Variants in MS4A6A observed in about 807,000 individuals in gnomAD.
MS4A6A encodes the protein membrane spanning 4-domains A6A.
MS4A6A carries 19 observed loss-of-function variants against 20.6 expected under a neutral mutation model. The ratio of observed to expected loss-of-function variants is 0.92; its 90% CI spans 0.64 to 1.36. The LOEUF (loss-of-function observed/expected upper bound fraction) is 1.36, where lower values mean the gene tolerates loss of function less well. MS4A6A is among the 40% of genes most tolerant of loss of function. MS4A6A has a pLI of 0.00. For synonymous variants in MS4A6A, 108 were observed against 105.0 expected (o/e 1.03, Z -0.17); for missense variants, 272 against 261.1 (o/e 1.04, Z -0.29).
chr11:60,178,424 C>A (rs1419757080), intron 3 of MS4A6A, 108 bp from the exon 4 acceptor site: 2 of 851,718 alleles, frequency 2.3e-6, no homozygotes, highest in Non-Finnish European at 3.8e-6. Flanking sequence ...CCTGAGAAAC[C>A]AGTGATCAAT....
At chr11:60,181,895 T>TCTTGGTTTTCA (rs1369585176) in intron 1 of MS4A6A, among the ~76,000 whole-genome samples, 154 bp from the exon 2 acceptor site, 2 of 152,160 alleles carry the variant, frequency 1.3e-5, no homozygotes, top group East Asian at 3.9e-4. Context: ...AACCACACAA[T>TCTTGGTTTTCA]CTTGGTTTCA....
At chr11:60,180,055 C>A in intron 2 of MS4A6A, 90 bp from the exon 3 acceptor site, 1 of 1,287,438 alleles carries the variant, frequency 7.8e-7, no homozygotes, top group Admixed American at 2.0e-5. Context: ...AATGCATTAT[C>A]GCCTTCTGCA....
chr11:60,177,302 C>T (rs1247735892), intron 4 of MS4A6A: 2 of 151,938 alleles, frequency 1.3e-5, no homozygotes, highest in Non-Finnish European at 2.9e-5. Flanking sequence ...TTCTGGATGC[C>T]GTTTCTCACT....
chr11:60,177,106 G>C (rs1225715995), intron 4 of MS4A6A: 1 of 152,182 alleles, frequency 6.6e-6, no homozygotes, highest in Non-Finnish European at 1.5e-5. Context: ...GTACAGTACA[G>C]CTGTAGTGCA....
At chr11:60,173,267 T>C in intron 5 of MS4A6A, 138 bp from the exon 6 acceptor site, 2 of 720,090 alleles carry the variant, frequency 2.8e-6, no homozygotes, top group Non-Finnish European at 4.8e-6. Context: ...AAGATAAAAC[T>C]GCTCCTCCCA....
intron 5 of MS4A6A, 134 bp from the exon 6 acceptor site, chr11:60,173,263 A>G: frequency 1.3e-6 from 1 of 741,460 alleles, no homozygotes; most frequent in East Asian, 2.7e-5. Flanking sequence ...CAGGAAGATA[A>G]AACTGCTCCT....
intron 5 of MS4A6A, 117 bp from the exon 6 acceptor site, chr11:60,173,246 A>T: frequency 3.4e-6 from 3 of 871,070 alleles, no homozygotes; most frequent in East Asian, 2.6e-5. Context: ...TGAAGAAAGG[A>T]CACCATCAGG....
At chr11:60,172,074 C>T, downstream of MS4A6A, 2 of 1,357,384 alleles carry the variant, frequency 1.5e-6, no homozygotes, top group Non-Finnish European at 2.0e-6. Context: ...ATTTAGGAAA[C>T]TCAAGCTTTG....
intron 3 of MS4A6A, chr11:60,179,515 C>G: frequency 1.8e-6 from 1 of 552,504 alleles, no homozygotes; most frequent in South Asian, 2.5e-5. Flanking sequence ...ATAAAATGTT[C>G]CTTCCCAACT....
chr11:60,175,358 T>C (rs1386560047), intron 5 of MS4A6A, 44 bp downstream of exon 5: 10 of 1,480,756 alleles, frequency 6.8e-6, no homozygotes, highest in Non-Finnish European at 8.4e-6. Context: ...TCAAGGCTTT[T>C]GAATACCTCA....
In MS4A6A at chr11:60,174,537, G is replaced by T. The variant is rs559730425; in HGVS notation, c.549+865C>A. On this transcript the variant is annotated intron_variant, in intron 5 of 5. Coordinates refer to ENST00000528851, the MANE Select transcript of MS4A6A (RefSeq NM_022349.4). ...GATGGGGTTTCACCGTCATGGCCAG[G>T]CTCATCTTGAACACCTGACCTCGTG... Among the ~76,000 whole-genome samples, 6 of 152,080 alleles carry T rather than the reference G, an allele frequency of 3.9e-5. No individual in the cohort carries two copies. The East Asian group carries it at 1.2e-3, about 29-fold the overall frequency.
chr11:60,181,745 TG>T lies in MS4A6A; in HGVS notation c.-14-5del. The T allele has an allele frequency of 1.2e-6, 2 of 1,612,936 alleles. No homozygotes were observed. Among genetic ancestry groups the T allele is most frequent in the Non-Finnish European group, 1.7e-6 (2 of 1,179,340 alleles). ...GATGTCATGATGGTGTTGCCAACTA[TG>T]TAAGAAAAAATAGATTTAGCTCTTA... On this transcript the variant is annotated splice_region_variant and splice_polypyrimidine_tract_variant and intron_variant, in intron 1 of 5. Transcript: ENST00000528851.
At chr11:60,175,862 C>T (rs1042983254) in intron 4 of MS4A6A, among the ~76,000 whole-genome samples, 1 of 152,204 alleles carries the variant, frequency 6.6e-6, no homozygotes, top group African/African-American at 2.4e-5. Flanking sequence ...GAGAATGTTA[C>T]TCTCCTAAAT....
At chr11:60,177,242 G>C (rs1462631582) in intron 4 of MS4A6A, 1 of 152,066 alleles carries the variant, frequency 6.6e-6, no homozygotes, top group African/African-American at 2.4e-5. Context: ...TCTAACTGAG[G>C]GTTCCAAATA....
downstream of MS4A6A, chr11:60,172,379 C>T (rs1253642425): frequency 7.0e-7 from 1 of 1,433,880 alleles, no homozygotes; most frequent in South Asian, 1.6e-5. Context: ...AGCATATCAC[C>T]AGGTTCTTCA....
At chr11:60,177,677 A>T (rs1339201449) in intron 4 of MS4A6A, among the ~76,000 whole-genome samples, 1 of 152,214 alleles carries the variant, frequency 6.6e-6, no homozygotes, top group Admixed American at 6.5e-5. Flanking sequence ...GGTGAGATAG[A>T]TGAAAGGATA....
At position 60,173,133 on chromosome 11, in the gene MS4A6A, A is replaced by G; in HGVS notation, c.550-4T>C. Reference sequence around the variant, plus strand: ...TCAGCATCAGAGAGAGAGTTCCCTGAAAGTCAAGAAATAAAAGATTGATGT... The same window carrying G: ...TCAGCATCAGAGAGAGAGTTCCCTGGAAGTCAAGAAATAAAAGATTGATGT... On this transcript the variant is annotated splice_polypyrimidine_tract_variant and splice_region_variant and intron_variant, in intron 5 of 5. Transcript: ENST00000528851. 1 of 1,613,088 alleles carries G rather than the reference A, an allele frequency of 6.2e-7. No individual in the cohort carries two copies. Among genetic ancestry groups the G allele is most frequent in the South Asian group, 1.1e-5 (1 of 91,060 alleles).
chr11:60,173,085 G>T lies in MS4A6A; in HGVS notation c.594C>A (p.Cys198Ter), dbSNP rs1291029293. The T allele has an allele frequency of 6.2e-7, 1 of 1,614,088 alleles. No individual in the cohort carries two copies. Among genetic ancestry groups the T allele is most frequent in the East Asian group, 2.2e-5 (1 of 44,880 alleles). Residue 198 changes from cysteine to a stop codon, truncating the protein, a stop_gained, in exon 6 of 6, where the codon TGC (cysteine) becomes TGA (stop). Transcript: ENST00000528851. LOFTEE classifies it high-confidence loss of function. ...GCAGCACAGCAGTGAGCACAGCTAG[G>T]CAGAATTCCAGCAGAGTGCAAATCA... ...LMLICTLLEF[C>*]LAVLTAVLRW...
intron 2 of MS4A6A, chr11:60,181,298 T>A: frequency 2.2e-6 from 1 of 461,576 alleles, no homozygotes; most frequent in South Asian, 2.4e-5. Context: ...TTTACCACCA[T>A]TACTTTTGTA....
Sources: allele counts gnomAD v4.1 joint callset (sites outside exome capture counted in the v4.1 genomes callset), GRCh38; gene constraint gnomAD v4.1.1; transcripts MANE v1.5; gene names NCBI Gene and HGNC (gene_info 2026-07-23, HGNC 2026-07-21).